GNB1: variants seen among roughly 807,000 people sequenced by gnomAD.
GNB1 encodes G protein subunit beta 1.
GNB1 carries 2 observed loss-of-function variants against 42.9 expected under a neutral mutation model. That is an observed-to-expected ratio of 0.05 (90% CI 0.02 to 0.15). The LOEUF is 0.15. Ranked by LOEUF, GNB1 falls within the 10% of genes least tolerant of loss-of-function variation. The pLI is 1.00. For missense variants in GNB1, 193 were observed against 462.2 expected, an observed-to-expected ratio of 0.42 and a Z score of 5.34; for synonymous variants, 183 against 174.7, an observed-to-expected ratio of 1.05 and a Z score of -0.38.
At chr1:1,805,402 A>T (rs1285450583) in intron 6 of GNB1, among the ~76,000 whole-genome samples, 1 of 151,694 alleles carries the variant, frequency 6.6e-6, no homozygotes, top group East Asian at 2.0e-4. Flanking sequence ...TGGAGGCTGC[A>T]GTGAGCAGAG....
intron 2 of GNB1, among the ~76,000 whole-genome samples, chr1:1,837,709 C>A (rs1647171788): frequency 6.6e-6 from 1 of 151,418 alleles, no homozygotes; most frequent in African/African-American, 2.4e-5. Flanking sequence ...CAGGGGCGTG[C>A]CACCACACGT....
In GNB1 at chr1:1,858,498, TTTGATTCTTAA is replaced by T. The variant is rs571934076; in HGVS notation, c.-95-19271_-95-19261del. Among the ~76,000 whole-genome samples the T allele has an allele frequency of 1.8e-4, 28 of 152,154 alleles. 1 individual carries two copies. In the East Asian group the frequency reaches 5.4e-3, roughly 29 times the overall value. On this transcript the variant is annotated intron_variant, in intron 1 of 11. Transcript: ENST00000378609. ...ACAGGCAGCACCCCGAAGACTTAAT[TTTGATTCTTAA>T]AAAGGGACAGATCCCTCCTTCCACC...
intron 8 of GNB1, among the ~76,000 whole-genome samples, chr1:1,792,181 G>A (rs953114929): frequency 4.6e-5 from 7 of 152,066 alleles, no homozygotes; most frequent in Non-Finnish European, 1.0e-4. Context: ...GTGGGCTTCC[G>A]TTTACCTGTA....
chr1:1,785,428 T>C lies in GNB1; in HGVS notation c.*1635A>G, dbSNP rs1646390203. 1 of 152,768 alleles carries C rather than the reference T, an allele frequency of 6.5e-6. No individual in the cohort carries two copies. Among genetic ancestry groups the C allele is most frequent in the African/African-American group, 2.4e-5 (1 of 41,454 alleles). The allele number at this position is 152,768 out of a possible 1,614,324, so 9.5% of individuals were successfully genotyped here. A position where few individuals can be genotyped will look rare whatever the true frequency, so the allele number is the denominator to read the frequency against. On this transcript the variant is annotated 3_prime_UTR_variant, in exon 12 of 12. Coordinates refer to ENST00000378609, the MANE Select transcript of GNB1 (RefSeq NM_002074.5). ...AAAGGGGTAAGGGTGCAGAGAGCTC[T>C]ACAGAGTTGTTGGACGGAAAGAGAA...
chr1:1,846,176 A>T (rs1350398092), intron 1 of GNB1, among the ~76,000 whole-genome samples: 3 of 152,114 alleles, frequency 2.0e-5, no homozygotes, highest in Non-Finnish European at 4.4e-5. Context: ...ACTGGATCTA[A>T]AAAAAGAACA....
At chr1:1,800,753 T>TAAAAAAAAAAAAAAAAAAAAAA (rs943269814) in intron 7 of GNB1, among the ~76,000 whole-genome samples, 2 of 115,322 alleles carry the variant, frequency 1.7e-5, no homozygotes, top group Non-Finnish European at 3.7e-5. Flanking sequence ...TTTAGATTGT[T>TAAAAAAAAAAAAAAAAAAAAAA]AAAAAAAAAA....
In GNB1 at chr1:1,786,326, G is replaced by A. The variant is rs569843778; in HGVS notation, c.*737C>T. On this transcript the variant is annotated 3_prime_UTR_variant, in exon 12 of 12. Transcript: ENST00000378609. Reference sequence around the variant, plus strand: ...TCAGGAGGAACATGGTGCTGGATCTGAGCTCACTTTTCAGCAAAGGTGAAG... The same window carrying A: ...TCAGGAGGAACATGGTGCTGGATCTAAGCTCACTTTTCAGCAAAGGTGAAG... 8 of 354,802 alleles carry A rather than the reference G, an allele frequency of 2.3e-5. 1 individual carries two copies. Among genetic ancestry groups the A allele is most frequent in the Admixed American group, 4.7e-5 (1 of 21,256 alleles). The allele number at this position is 354,802 out of a possible 1,614,324, so 22.0% of individuals were successfully genotyped here. A position where few individuals can be genotyped will look rare whatever the true frequency, so the allele number is the denominator to read the frequency against.
chr1:1,830,235 T>A (rs1380758718), intron 2 of GNB1, among the ~76,000 whole-genome samples: 3 of 152,126 alleles, frequency 2.0e-5, no homozygotes, highest in Non-Finnish European at 4.4e-5. Context: ...TTTTTCTTTA[T>A]ACTTTTCAGT....
At chr1:1,828,864 A>G (rs1449892816) in intron 2 of GNB1, among the ~76,000 whole-genome samples, 1 of 150,448 alleles carries the variant, frequency 6.6e-6, no homozygotes, top group African/African-American at 2.5e-5. Flanking sequence ...CAATATGGCA[A>G]AACGCTGTGT....
At chr1:1,887,504 A>G (rs757996635) in intron 1 of GNB1, among the ~76,000 whole-genome samples, 1 of 152,256 alleles carries the variant, frequency 6.6e-6, no homozygotes, top group Non-Finnish European at 1.5e-5. Flanking sequence ...TTTGCAGGAT[A>G]GTACAACATC....
In GNB1 at chr1:1,793,554, G is replaced by A. The variant is rs563132401; in HGVS notation, c.431-243C>T. On this transcript the variant is annotated intron_variant, in intron 7 of 11. Transcript: ENST00000378609. ...AGAGACCCACAGCTCCGTGATGGGG[G>A]CAGAAGCAGAAACCACACCCATGAA... The A allele has an allele frequency of 1.5e-3, 522 of 359,790 alleles. 1 individual carries two copies. The highest frequency in any genetic ancestry group is 2.5e-3 in the Admixed American group (62 of 24,896). The allele number at this position is 359,790 out of a possible 1,614,324, so 22.3% of individuals were successfully genotyped here. A position where few individuals can be genotyped will look rare whatever the true frequency, so the allele number is the denominator to read the frequency against.
intron 2 of GNB1, among the ~76,000 whole-genome samples, chr1:1,832,544 GAAC>G (rs1380602030): frequency 2.0e-5 from 3 of 152,294 alleles, no homozygotes; most frequent in African/African-American, 7.2e-5. Flanking sequence ...CCCTACTTTA[GAAC>G]AACATCTTTG....
At chr1:1,858,560 G>T (rs982287932) in intron 1 of GNB1, among the ~76,000 whole-genome samples, 21 of 151,990 alleles carry the variant, frequency 1.4e-4, no homozygotes, top group African/African-American at 5.1e-4. Context: ...CCAGAGGGTG[G>T]GTCCCCTTCT....
At chr1:1,866,663 AT>A (rs1200171531) in intron 1 of GNB1, among the ~76,000 whole-genome samples, 3 of 152,126 alleles carry the variant, frequency 2.0e-5, no homozygotes, top group African/African-American at 7.2e-5. Context: ...CTAAAAAAAA[AT>A]CTCAATGTGG....
rs769280339 is a variant in GNB1 at position 1,790,346 on chromosome 1, C to T, written c.699+49G>A. ...GTTTAAAATTTAGCAATCTGAACGGCTAGCAGAGACGGCAGAGGACCCGAC... is the reference window on the plus strand; with the variant it reads ...GTTTAAAATTTAGCAATCTGAACGGTTAGCAGAGACGGCAGAGGACCCGAC... On this transcript the variant is annotated intron_variant, in intron 9 of 11. Coordinates refer to ENST00000378609, the MANE Select transcript of GNB1 (RefSeq NM_002074.5). This position sits in a 1 kb window ranked among gnomAD's most constrained non-coding sequence, Gnocchi z 5.4. The T allele has an allele frequency of 8.6e-6, 11 of 1,285,448 alleles. No individual in the cohort carries two copies. Among genetic ancestry groups the T allele is most frequent in the Non-Finnish European group, 1.0e-5 (9 of 880,198 alleles). The allele number at this position is 1,285,448 out of a possible 1,614,324, so 79.6% of individuals were successfully genotyped here. A position where few individuals can be genotyped will look rare whatever the true frequency, so the allele number is the denominator to read the frequency against.
intron 1 of GNB1, among the ~76,000 whole-genome samples, chr1:1,841,083 G>A (rs1263534036): frequency 2.0e-5 from 3 of 151,802 alleles, no homozygotes; most frequent in Non-Finnish European, 4.4e-5. Flanking sequence ...GTAGAGACGG[G>A]TTTTCACCAT....
At chr1:1,848,753 AT>A (rs940362140) in intron 1 of GNB1, among the ~76,000 whole-genome samples, 2 of 152,228 alleles carry the variant, frequency 1.3e-5, no homozygotes, top group African/African-American at 4.8e-5. Context: ...TGATAGAAGA[AT>A]TTTGACTGCA....
At chr1:1,852,765 G>A (rs900129695) in intron 1 of GNB1, among the ~76,000 whole-genome samples, 52 of 150,978 alleles carry the variant, frequency 3.4e-4, no homozygotes, top group African/African-American at 1.2e-3. Context: ...TGCAACTTAC[G>A]GGCCTACCCT....
intron 1 of GNB1, among the ~76,000 whole-genome samples, chr1:1,882,268 T>C (rs1249230802): frequency 6.6e-6 from 1 of 151,626 alleles, no homozygotes. Flanking sequence ...TCTACTAAGA[T>C]ACAAAAAACA....
Sources: allele counts gnomAD v4.1 joint callset (sites outside exome capture counted in the v4.1 genomes callset), GRCh38; gene constraint gnomAD v4.1.1; non-coding constraint Gnocchi (gnomAD v3.1); transcripts MANE v1.5; gene names NCBI Gene and HGNC (gene_info 2026-07-23, HGNC 2026-07-21).